NLGN1: variants seen among roughly 807,000 people sequenced by gnomAD.
The protein encoded by NLGN1 is neuroligin 1.
NLGN1 carries 12 observed loss-of-function variants against 65.5 expected under a neutral mutation model. That is an observed-to-expected ratio of 0.18 (90% confidence interval 0.12 to 0.30). The LOEUF (loss-of-function observed/expected upper bound fraction) is 0.30. Among genes scored for constraint, NLGN1 ranks in the 10% least tolerant of loss-of-function variants. The pLI is 1.00. For synonymous variants in NLGN1, 350 were observed against 359.5 expected, an observed-to-expected ratio of 0.97 and a Z score of 0.30; for missense variants, 750 against 1,007.1, an observed-to-expected ratio of 0.74 and a Z score of 3.46.
intron 4 of NLGN1, among the ~76,000 whole-genome samples, chr3:173,945,701 T>C (rs1747013104): frequency 6.6e-6 from 1 of 152,198 alleles, no homozygotes; most frequent in Admixed American, 6.5e-5. Flanking sequence ...AAAATGTACT[T>C]TTTTCCCCAC....
At chr3:173,785,785 C>T (rs140116045) in intron 3 of NLGN1, among the ~76,000 whole-genome samples, 102 of 152,016 alleles carry the variant, frequency 6.7e-4, no homozygotes, top group African/African-American at 2.3e-3. Flanking sequence ...GGGAGTAGAC[C>T]GTACTGTTTC....
intron 4 of NLGN1, among the ~76,000 whole-genome samples, chr3:174,014,916 G>A (rs1726253841): frequency 6.6e-6 from 1 of 152,122 alleles, no homozygotes; most frequent in Non-Finnish European, 1.5e-5. Flanking sequence ...GAAGGGGTAT[G>A]AGAAGAAAAG....
chr3:174,181,976 CAAAAAAAAAAA>C (rs551914698), intron 4 of NLGN1, among the ~76,000 whole-genome samples: 1,864 of 44,418 alleles, frequency 0.042, 64 homozygotes, highest in African/African-American at 0.13. Context: ...GACTTGGTGT[CAAAAAAAAAAA>C]AAAAAAAAAA....
chr3:174,187,210 G>T (rs1240587326), intron 4 of NLGN1, among the ~76,000 whole-genome samples: 5 of 151,826 alleles, frequency 3.3e-5, no homozygotes, highest in Non-Finnish European at 7.4e-5. Flanking sequence ...AGATATGGGG[G>T]TCCTACTGTA....
At chr3:173,934,498 A>G (rs1052808805) in intron 4 of NLGN1, among the ~76,000 whole-genome samples, 3 of 151,912 alleles carry the variant, frequency 2.0e-5, no homozygotes, top group Admixed American at 2.0e-4. Flanking sequence ...ATATTAGGAT[A>G]AAACTCAAAT....
chr3:173,712,702 A>G (rs1769176008), intron 3 of NLGN1, among the ~76,000 whole-genome samples: 1 of 152,194 alleles, frequency 6.6e-6, no homozygotes, highest in Non-Finnish European at 1.5e-5. Flanking sequence ...ATTATTAGTT[A>G]TTGAAAACCA....
At chr3:174,265,777 A>ATGTG (rs1553984522) in intron 4 of NLGN1, among the ~76,000 whole-genome samples, 14 of 122,172 alleles carry the variant, frequency 1.1e-4, no homozygotes, top group Non-Finnish European at 2.0e-4. Context: ...ATATATATAT[A>ATGTG]TATATGTATA....
chr3:174,027,279 CTCTCTG>C (rs1560873291), intron 4 of NLGN1, among the ~76,000 whole-genome samples: 1 of 152,104 alleles, frequency 6.6e-6, no homozygotes, highest in Non-Finnish European at 1.5e-5. Flanking sequence ...ATCTTGGACT[CTCTCTG>C]AAACTCCAAC....
At chr3:173,647,940 G>A (rs56306340) in intron 3 of NLGN1, among the ~76,000 whole-genome samples, 2,873 of 152,122 alleles carry the variant, frequency 0.019, 98 homozygotes, top group African/African-American at 0.064. Flanking sequence ...GAACAAAAGA[G>A]GCACTATTAT....
chr3:173,633,398 C>G (rs2149552021), intron 3 of NLGN1, among the ~76,000 whole-genome samples: 1 of 152,172 alleles, frequency 6.6e-6, no homozygotes, highest in East Asian at 1.9e-4. Context: ...TGTACATTTC[C>G]CTAGGGCAGT....
At chr3:173,462,044 C>T (rs1005517540) in intron 2 of NLGN1, among the ~76,000 whole-genome samples, 2 of 152,040 alleles carry the variant, frequency 1.3e-5, no homozygotes, top group African/African-American at 4.8e-5. Context: ...GATAAAACAT[C>T]AAAAATCAAT....
At chr3:173,698,300 T>C (rs1192439399) in intron 3 of NLGN1, among the ~76,000 whole-genome samples, 1 of 152,226 alleles carries the variant, frequency 6.6e-6, no homozygotes, top group Non-Finnish European at 1.5e-5. Context: ...GTTGCAATAC[T>C]GAATTATCAA....
At chr3:173,972,444 C>T (rs1716477569) in intron 4 of NLGN1, among the ~76,000 whole-genome samples, 1 of 152,094 alleles carries the variant, frequency 6.6e-6, no homozygotes, top group African/African-American at 2.4e-5. Flanking sequence ...AAATAATGTA[C>T]AAATCACACT....
At chr3:173,821,583 G>A (rs980512205) in intron 4 of NLGN1, among the ~76,000 whole-genome samples, 4 of 152,036 alleles carry the variant, frequency 2.6e-5, no homozygotes, top group South Asian at 2.1e-4. Context: ...AAGAAATTGG[G>A]ATTTTAGTGA....
intron 4 of NLGN1, among the ~76,000 whole-genome samples, chr3:174,241,142 C>G (rs988260975): frequency 6.6e-6 from 1 of 152,064 alleles, no homozygotes; most frequent in Non-Finnish European, 1.5e-5. Context: ...ATTTATTTCC[C>G]TACTAGAAAA....
intron 4 of NLGN1, among the ~76,000 whole-genome samples, chr3:173,850,583 GATT>G (rs1327474330): frequency 6.6e-6 from 1 of 152,074 alleles, no homozygotes; most frequent in African/African-American, 2.4e-5. Flanking sequence ...CATTCCAAGT[GATT>G]AGTGAATTAC....
At chr3:174,116,030 A>G (rs1413890183) in intron 4 of NLGN1, among the ~76,000 whole-genome samples, 1 of 152,186 alleles carries the variant, frequency 6.6e-6, no homozygotes, top group Non-Finnish European at 1.5e-5. Context: ...CTCTGAGAAT[A>G]TTAAAACACT....
intron 3 of NLGN1, among the ~76,000 whole-genome samples, chr3:173,806,057 A>G (rs933081204): frequency 6.6e-6 from 1 of 152,116 alleles, no homozygotes; most frequent in Non-Finnish European, 1.5e-5. Flanking sequence ...TAAAAACAAG[A>G]TATTATTCTC....
chr3:173,660,657 A>G (rs1760799709), intron 3 of NLGN1, among the ~76,000 whole-genome samples: 1 of 151,922 alleles, frequency 6.6e-6, no homozygotes, highest in Non-Finnish European at 1.5e-5. Context: ...AAACAATTAC[A>G]TGGGACAAAA....
Sources: gnomAD v4.1 joint callset for allele counts (sites outside exome capture counted in the v4.1 genomes callset) on GRCh38, gnomAD v4.1.1 for gene constraint, MANE v1.5 for transcripts, NCBI Gene and HGNC (gene_info 2026-07-23, HGNC 2026-07-21) for gene names.